Variants in ATOSA observed in about 807,000 individuals in gnomAD.
The protein encoded by ATOSA is atos homolog protein A.
At chr15:52,589,780 A>G in the ATOSA span, among the ~76,000 whole-genome samples, 4 of 150,472 alleles carry the variant, frequency 2.7e-5, no homozygotes, top group African/African-American at 9.8e-5. Context: ...AGAAAAACAC[A>G]TTTTCTTCTG....
At chr15:52,671,210 T>TA in the ATOSA span, among the ~76,000 whole-genome samples, 1 of 152,232 alleles carries the variant, frequency 6.6e-6, no homozygotes. Flanking sequence ...TTCAATAAGA[T>TA]ATGATTAATT....
the ATOSA span, chr15:52,651,964 TA>T: frequency 6.5e-7 from 1 of 1,534,570 alleles, no homozygotes; most frequent in Admixed American, 2.0e-5. Flanking sequence ...ATACTATCAG[TA>T]ACTGAGGGAT....
the ATOSA span, among the ~76,000 whole-genome samples, chr15:52,701,214 C>T: frequency 3.9e-5 from 6 of 152,092 alleles, no homozygotes; most frequent in East Asian, 1.2e-3. Context: ...CCTGGTGGCT[C>T]ATGCCTTGTA....
At chr15:52,636,933 G>A in the ATOSA span, among the ~76,000 whole-genome samples, 1 of 152,288 alleles carries the variant, frequency 6.6e-6, no homozygotes, top group Admixed American at 6.5e-5. Context: ...CAGATTAATA[G>A]TGTGGTACTG....
the ATOSA span, chr15:52,613,966 T>C: frequency 9.0e-6 from 8 of 890,442 alleles, no homozygotes; most frequent in East Asian, 7.9e-5. Context: ...TCATTTAACA[T>C]AGAGTGAAAA....
the ATOSA span, among the ~76,000 whole-genome samples, chr15:52,661,697 G>A: frequency 2.0e-5 from 3 of 152,008 alleles, no homozygotes; most frequent in African/African-American, 7.2e-5. Flanking sequence ...CCTCAATTCT[G>A]CACCATAAGC....
At chr15:52,642,084 T>C in the ATOSA span, among the ~76,000 whole-genome samples, 2 of 152,078 alleles carry the variant, frequency 1.3e-5, no homozygotes, top group Admixed American at 1.3e-4. Flanking sequence ...TTTGTGTTAT[T>C]ATGAAATCCT....
the ATOSA span, among the ~76,000 whole-genome samples, chr15:52,599,618 G>C: frequency 1.6e-4 from 25 of 152,138 alleles, no homozygotes; most frequent in Non-Finnish European, 2.9e-4. Flanking sequence ...ATTTCTACTT[G>C]ACCCCAAGTA....
the ATOSA span, among the ~76,000 whole-genome samples, chr15:52,598,169 A>G: frequency 6.6e-6 from 1 of 152,272 alleles, no homozygotes; most frequent in East Asian, 1.9e-4. Context: ...ATGTAGATAT[A>G]TATAGATACT....
At chr15:52,648,997 C>A in the ATOSA span, among the ~76,000 whole-genome samples, 1 of 152,072 alleles carries the variant, frequency 6.6e-6, no homozygotes, top group Non-Finnish European at 1.5e-5. Context: ...AACTGAGCCT[C>A]ATCACAAAGG....
At chr15:52,609,932 A>AT in the ATOSA span, 1 of 1,611,128 alleles carries the variant, frequency 6.2e-7, no homozygotes. Context: ...GTTTCTTGTG[A>AT]TTTTATATCA....
the ATOSA span, among the ~76,000 whole-genome samples, chr15:52,704,970 G>C: frequency 9.0e-3 from 1,368 of 152,246 alleles, 10 homozygotes; most frequent in African/African-American, 0.032. Context: ...TCTAGAACTA[G>C]AAATACCATT....
the ATOSA span, chr15:52,652,062 A>G: frequency 6.8e-7 from 1 of 1,462,454 alleles, no homozygotes; most frequent in Non-Finnish European, 9.0e-7. Context: ...CAAAGGCAGC[A>G]GAGTAAGAGC....
the ATOSA span, among the ~76,000 whole-genome samples, chr15:52,624,962 A>T: frequency 6.6e-6 from 1 of 151,936 alleles, no homozygotes; most frequent in Non-Finnish European, 1.5e-5. Context: ...TATTTTTAGT[A>T]GAGATGGGGT....
At chr15:52,665,275 C>T in the ATOSA span, among the ~76,000 whole-genome samples, 1 of 151,984 alleles carries the variant, frequency 6.6e-6, no homozygotes, top group East Asian at 1.9e-4. Flanking sequence ...GTTGAAATTA[C>T]GGGGGTGAGG....
chr15:52,655,427 T>A, the ATOSA span, among the ~76,000 whole-genome samples: 1 of 152,044 alleles, frequency 6.6e-6, no homozygotes, highest in African/African-American at 2.4e-5. Context: ...AAAGGTTCAA[T>A]CTGTAAAACT....
the ATOSA span, among the ~76,000 whole-genome samples, chr15:52,638,608 G>A: frequency 6.6e-6 from 1 of 150,758 alleles, no homozygotes; most frequent in Non-Finnish European, 1.5e-5. Context: ...GGCAGAGGAA[G>A]GAGAATCACT....
chr15:52,620,577 T>TA, the ATOSA span, among the ~76,000 whole-genome samples: 2 of 152,242 alleles, frequency 1.3e-5, no homozygotes, highest in African/African-American at 4.8e-5. Context: ...AGAAGGAGTC[T>TA]AGGCCTCTTA....
At chr15:52,661,960 A>T in the ATOSA span, among the ~76,000 whole-genome samples, 1 of 151,716 alleles carries the variant, frequency 6.6e-6, no homozygotes, top group Non-Finnish European at 1.5e-5. Context: ...AAACAGCAAA[A>T]AAAAGGAGTA....
Sources: allele counts gnomAD v4.1 joint callset (sites outside exome capture counted in the v4.1 genomes callset), GRCh38; gene constraint gnomAD v4.1.1; transcripts MANE v1.5; gene names NCBI Gene and HGNC (gene_info 2026-07-23, HGNC 2026-07-21).